PTPRN2: variants seen among roughly 807,000 people sequenced by gnomAD.
PTPRN2 encodes the protein protein tyrosine phosphatase receptor type N2.
PTPRN2 carries 74 observed loss-of-function variants against 118.8 expected under a neutral mutation model. The ratio of observed to expected loss-of-function variants is 0.62; its 90% CI spans 0.52 to 0.76. The LOEUF is 0.76. Ranked by LOEUF, PTPRN2 falls within the 30% of genes least tolerant of loss-of-function variation. The pLI, the probability that PTPRN2 is intolerant of heterozygous loss-of-function variation, is 0.00. For synonymous variants in PTPRN2, 641 were observed against 608.0 expected (o/e 1.05, Z -0.80); for missense variants, 1,481 against 1,394.4 (o/e 1.06, Z -0.99).
intron 14 of PTPRN2, among the ~76,000 whole-genome samples, chr7:157,650,247 G>A (rs1000486330): frequency 1.3e-5 from 2 of 152,184 alleles, no homozygotes; most frequent in East Asian, 1.9e-4. Context: ...CCTGCCCGCC[G>A]GAGAGAGACA....
intron 9 of PTPRN2, among the ~76,000 whole-genome samples, chr7:158,125,156 C>T (rs1176686684): frequency 6.6e-6 from 1 of 152,102 alleles, no homozygotes; most frequent in African/African-American, 2.4e-5. Context: ...GCCTCAAGTG[C>T]CTCCCACGGC....
chr7:158,439,880 G>T (rs1412468072), intron 2 of PTPRN2, among the ~76,000 whole-genome samples: 1 of 152,198 alleles, frequency 6.6e-6, no homozygotes, highest in Non-Finnish European at 1.5e-5. Flanking sequence ...AAATAATTTT[G>T]CAACGTGGAA....
chr7:158,122,635 C>A (rs1368999858), intron 9 of PTPRN2, among the ~76,000 whole-genome samples: 2 of 152,216 alleles, frequency 1.3e-5, no homozygotes, highest in Non-Finnish European at 2.9e-5. Flanking sequence ...GCGGTGGGAT[C>A]TGGCATTCAG....
chr7:158,399,080 G>A (rs536160315), intron 2 of PTPRN2, among the ~76,000 whole-genome samples: 1 of 152,134 alleles, frequency 6.6e-6, no homozygotes, highest in Admixed American at 6.5e-5. Flanking sequence ...AGTTATACAT[G>A]TCTTATGTAT....
chr7:157,984,773 C>T (rs971519908), intron 11 of PTPRN2, among the ~76,000 whole-genome samples: 6 of 152,198 alleles, frequency 3.9e-5, no homozygotes, highest in Admixed American at 6.5e-5. Flanking sequence ...TCCCACCAAC[C>T]GCTTCTAAAG....
chr7:158,131,553 A>G (rs1175798604), intron 9 of PTPRN2, among the ~76,000 whole-genome samples: 9 of 151,112 alleles, frequency 6.0e-5, no homozygotes, highest in African/African-American at 1.7e-4. Context: ...GTACATACAA[A>G]CTGATACACA....
chr7:157,806,616 A>G (rs546195802), intron 12 of PTPRN2, among the ~76,000 whole-genome samples: 1 of 152,304 alleles, frequency 6.6e-6, no homozygotes, highest in South Asian at 2.1e-4. Flanking sequence ...AGATATATGC[A>G]TGTGTATGTG....
intron 2 of PTPRN2, among the ~76,000 whole-genome samples, chr7:158,431,892 A>G (rs999057195): frequency 6.6e-6 from 1 of 152,244 alleles, no homozygotes; most frequent in African/African-American, 2.4e-5. Flanking sequence ...CCATCATGTT[A>G]TCCGGGACCT....
chr7:158,206,693 T>C (rs1366644418), intron 3 of PTPRN2, among the ~76,000 whole-genome samples: 1 of 152,038 alleles, frequency 6.6e-6, no homozygotes, highest in Non-Finnish European at 1.5e-5. Context: ...CATCTGTGAG[T>C]CTGAAACAGC....
intron 2 of PTPRN2, among the ~76,000 whole-genome samples, chr7:158,413,591 C>A (rs956899306): frequency 6.6e-6 from 1 of 152,210 alleles, no homozygotes; most frequent in Non-Finnish European, 1.5e-5. Context: ...GAGGCCTGAA[C>A]GGGAAAGCCC....
intron 11 of PTPRN2, among the ~76,000 whole-genome samples, chr7:157,923,126 T>C (rs1404597354): frequency 6.6e-6 from 1 of 152,254 alleles, no homozygotes; most frequent in Non-Finnish European, 1.5e-5. Context: ...AACATCACTC[T>C]GGGTTTTTTA....
chr7:157,941,334 C>T lies in PTPRN2; in HGVS notation c.1724-42597G>A, dbSNP rs543720241. Among the ~76,000 whole-genome samples the T allele has an allele frequency of 7.3e-5, 7 of 95,254 alleles. 2 individuals are homozygous for T. Among genetic ancestry groups the T allele is most frequent in the African/African-American group, 3.2e-4 (5 of 15,560 alleles). The allele number at this position is 95,254 out of a possible 152,430, so 62.5% of individuals were successfully genotyped here. ...TGCAAATCTAACACCCTCCCCACCA[C>T]GACACTGCAAATCTGACACCCTCCC... On this transcript the variant is annotated intron_variant, in intron 11 of 22. Transcript: ENST00000389418.
At chr7:158,355,068 C>T (rs1044313931) in intron 2 of PTPRN2, among the ~76,000 whole-genome samples, 8 of 151,610 alleles carry the variant, frequency 5.3e-5, no homozygotes, top group African/African-American at 1.7e-4. Flanking sequence ...CTGTATCCAG[C>T]AAAGCTACCC....
chr7:158,038,242 A>G (rs954657886), intron 11 of PTPRN2, among the ~76,000 whole-genome samples: 2 of 152,232 alleles, frequency 1.3e-5, no homozygotes, highest in Non-Finnish European at 2.9e-5. Flanking sequence ...AGGGAGAAAT[A>G]TAAGTACACA....
At position 158,110,860 on chromosome 7, in the gene PTPRN2, G is replaced by C. The variant is rs1191414748; in HGVS notation, c.1612C>G (p.Gln538Glu). The C allele has an allele frequency of 2.5e-6, 4 of 1,589,388 alleles. No homozygotes were observed. Among genetic ancestry groups the C allele is most frequent in the Non-Finnish European group, 3.4e-6 (4 of 1,167,702 alleles). Residue 538 changes from glutamine to glutamate, a missense_variant, in exon 10 of 23, where the codon CAG (glutamine) becomes GAG (glutamate). Around this residue, in one of 3 missense-constraint regions of PTPRN2, gnomAD observed 1,115 missense variants for 994.2 expected, o/e 1.12. Transcript: ENST00000389418. ...TCAGCGAACGCACTGCTGGGCACCT[G>C]CAGGAGGCGGGCGACGTCCTCCACC... ...RLVEDVARLL[Q>E]VPSSAFADVE...
rs965285002 is a variant in PTPRN2, at chr7:157,874,835, ACT to A, written c.1788+23836_1788+23837del. Among the ~76,000 whole-genome samples, 1 of 151,738 alleles carries A rather than the reference ACT, an allele frequency of 6.6e-6. No homozygotes were observed. Among genetic ancestry groups the A allele is most frequent in the Non-Finnish European group, 1.5e-5 (1 of 67,918 alleles). On this transcript the variant is annotated intron_variant, in intron 12 of 22. Transcript: ENST00000389418. This position sits in a 1 kb window ranked among gnomAD's most constrained non-coding sequence, Gnocchi z 5.8. ...CACTCATGGACACACACAGAGACAC[ACT>A]CATGCACATATACACACGGAGACAC...
At chr7:158,296,823 G>A (rs1271696105) in intron 3 of PTPRN2, among the ~76,000 whole-genome samples, 1 of 152,250 alleles carries the variant, frequency 6.6e-6, no homozygotes, top group Non-Finnish European at 1.5e-5. Context: ...CCTTTCTGAG[G>A]CAGCAGATGG....
chr7:157,574,512 AT>A (rs1254807247), intron 19 of PTPRN2: 5 of 356,372 alleles, frequency 1.4e-5, no homozygotes, highest in Non-Finnish European at 3.2e-5. Context: ...GAGAGTAATA[AT>A]GAGAGAGAGA....
chr7:158,110,127 A>G (rs1816104632), intron 10 of PTPRN2, among the ~76,000 whole-genome samples: 1 of 152,300 alleles, frequency 6.6e-6, no homozygotes, highest in Admixed American at 6.5e-5. Context: ...CTCTTGTCTC[A>G]CGTCCTCTGT....
Sources: gnomAD v4.1 joint callset for allele counts (sites outside exome capture counted in the v4.1 genomes callset) on GRCh38, gnomAD v4.1.1 for gene constraint, gnomAD v4.1.1 regional missense constraint, Gnocchi (gnomAD v3.1) non-coding constraint, MANE v1.5 for transcripts, NCBI Gene and HGNC (gene_info 2026-07-23, HGNC 2026-07-21) for gene names.